The following SSC5D variants were observed in gnomAD, a reference collection of about 807,000 sequenced individuals.
SSC5D encodes the protein soluble scavenger receptor cysteine-rich domain-containing protein SSC5D.
Under a neutral mutation model 104.6 loss-of-function variants are expected in SSC5D, and 106 were observed. The ratio of observed to expected loss-of-function variants is 1.01; its 90% CI spans 0.87 to 1.19. SSC5D has a LOEUF of 1.19. Ranked by LOEUF, SSC5D falls within the 50% of genes most tolerant of loss-of-function variation. The pLI is 0.00. For synonymous variants in SSC5D, 860 were observed against 883.5 expected, an observed-to-expected ratio of 0.97 and a Z score of 0.47; for missense variants, 1,993 against 2,153.8, an observed-to-expected ratio of 0.93 and a Z score of 1.48.
intron 13 of SSC5D, among the ~76,000 whole-genome samples, chr19:55,514,298 G>A (rs1254477741): frequency 2.0e-5 from 3 of 151,850 alleles, no homozygotes; most frequent in East Asian, 3.9e-4. Flanking sequence ...CCAGCTACTC[G>A]GGAGGCTGAG....
chr19:55,517,675 C>T lies in SSC5D; in HGVS notation c.3399C>T (p.Ser1133=). 6.4e-7 allele frequency: 1 copy of T among 1,551,660 alleles called. No homozygotes were observed. Among genetic ancestry groups the T allele is most frequent in the Non-Finnish European group, 8.7e-7 (1 of 1,146,990 alleles). Residue 1133 remains serine (S), a synonymous_variant, in exon 14 of 14, where the codon TCC becomes TCT. Coordinates refer to ENST00000389623, the MANE Select transcript of SSC5D (RefSeq NM_001144950.2). ...CAGATTTGGACACAACTCCATACTC[C>T]AGTACAGTCTCAGAATATTCTAGAT... ...TTPDLDTTPY[S]STVSEYSRSP...
intron 12 of SSC5D, among the ~76,000 whole-genome samples, chr19:55,502,326 T>G (rs979044612): frequency 3.9e-5 from 6 of 152,190 alleles, no homozygotes; most frequent in African/African-American, 1.4e-4. Flanking sequence ...TTCATGGTAA[T>G]TTCTTTTGCT....
Position 55,490,959 on chromosome 19 carries a change from GC to G in SSC5D, c.777del (p.Val260CysfsTer176). ...GGARFGPGAG[P>X]VWMDDVGCGG... Reference sequence around the variant, plus strand: ...GTGCCAGATTCGGGCCTGGTGCAGGGCCCGTGTGGATGGACGATGTGGGGTG... The same window carrying G: ...GTGCCAGATTCGGGCCTGGTGCAGGGCCGTGTGGATGGACGATGTGGGGTG... On this transcript the variant is annotated frameshift_variant, in exon 6 of 14. Coordinates refer to ENST00000389623, the MANE Select transcript of SSC5D (RefSeq NM_001144950.2). LOFTEE classifies it high-confidence loss of function. The G allele has an allele frequency of 6.5e-7, 1 of 1,546,998 alleles. No homozygotes were observed. The highest frequency in any genetic ancestry group is 2.0e-5 in the Admixed American group (1 of 50,428).
Position 55,493,584 on chromosome 19 carries a change from C to T in SSC5D, c.896-11C>T. On this transcript the variant is annotated splice_polypyrimidine_tract_variant and intron_variant, in intron 6 of 13. Coordinates refer to ENST00000389623, the MANE Select transcript of SSC5D (RefSeq NM_001144950.2). ...GTTTCCTGGCCCTGTGCTCCCTCTC[C>T]CACTATCCAGGCCCAGCACCTCGGC... 5.6e-6 allele frequency: 8 copies of T among 1,428,306 alleles called. No individual in the cohort carries two copies. The highest frequency in any genetic ancestry group is 7.2e-6 in the Non-Finnish European group (8 of 1,104,296). The allele number at this position is 1,428,306 out of a possible 1,614,324, so 88.5% of individuals were successfully genotyped here.
intron 6 of SSC5D, 25 bp from the exon 7 acceptor site, chr19:55,493,570 C>T (rs1032741913): frequency 7.1e-7 from 1 of 1,412,178 alleles, no homozygotes; most frequent in African/African-American, 1.5e-5. Flanking sequence ...TTTCCTGGCC[C>T]TGTGCTCCCT....
rs1426647506 is a variant in SSC5D, at chr19:55,499,840, C to G, written c.1730C>G (p.Ser577Ter). The G allele has an allele frequency of 1.3e-6, 2 of 1,551,450 alleles. No homozygotes were observed. Among genetic ancestry groups the G allele is most frequent in the Non-Finnish European group, 8.7e-7 (1 of 1,146,960 alleles). Reference protein sequence around the residue: ...CTGPPGLDSISDPFSWSWIPG... With the variant: ...CTGPPGLDSI ...GGGCCCCCAGGCCTGGACTCCATCT[C>G]AGACCCCTTCAGCTGGAGCTGGATT... The change falls in exon 10 of 14, where the codon TCA (serine) becomes TGA (stop). Residue 577 changes from serine to a stop codon, truncating the protein, a stop_gained. Coordinates refer to ENST00000389623, the MANE Select transcript of SSC5D (RefSeq NM_001144950.2). LOFTEE classifies it high-confidence loss of function.
intron 12 of SSC5D, among the ~76,000 whole-genome samples, chr19:55,506,245 T>A (rs1360603848): frequency 6.6e-6 from 1 of 151,668 alleles, no homozygotes; most frequent in African/African-American, 2.4e-5. Context: ...GAATCCCTAG[T>A]GTCTAGGGCA....
chr19:55,517,615 T>C lies in SSC5D; in HGVS notation c.3339T>C (p.Pro1113=), dbSNP rs1987902685. 3.9e-6 allele frequency: 6 copies of C among 1,551,474 alleles called. No homozygotes were observed. The highest frequency in any genetic ancestry group is 4.4e-6 in the Non-Finnish European group (5 of 1,146,992). ...STPSEVTSLS[P]TSEQVPESDT... Reference sequence around the variant, plus strand: ...CGTCGGAGGTGACCAGCCTTTCCCCTACCTCAGAGCAGGTCCCAGAATCTG... The same window carrying C: ...CGTCGGAGGTGACCAGCCTTTCCCCCACCTCAGAGCAGGTCCCAGAATCTG... The change falls in exon 14 of 14, where the codon CCT becomes CCC. Residue 1113 remains proline, a synonymous_variant. Transcript: ENST00000389623.
intron 8 of SSC5D, among the ~76,000 whole-genome samples, chr19:55,497,055 C>CTTTTAAA: frequency 6.6e-6 from 1 of 152,316 alleles, no homozygotes; most frequent in East Asian, 1.9e-4. Flanking sequence ...GCCACCGTGC[C>CTTTTAAA]GGGCCTGCTG....
chr19:55,494,598 C>A lies in SSC5D; in HGVS notation c.1214-12C>A, dbSNP rs1310373480. On this transcript the variant is annotated splice_polypyrimidine_tract_variant and intron_variant, in intron 7 of 13. Transcript: ENST00000389623. ...GTGTGTGGGTGGCAATCACTTACCC[C>A]CTGCTCCACAGGCATGCCCCTGGGC... The A allele has an allele frequency of 2.0e-6, 3 of 1,510,564 alleles. No individual in the cohort carries two copies. The highest frequency in any genetic ancestry group is 2.8e-5 in the African/African-American group (2 of 71,634). The allele number at this position is 1,510,564 out of a possible 1,614,324, so 93.6% of individuals were successfully genotyped here. A position where few individuals can be genotyped will look rare whatever the true frequency, so the allele number is the denominator to read the frequency against.
intron 12 of SSC5D, chr19:55,504,106 C>A (rs1987582276): frequency 6.5e-7 from 1 of 1,535,050 alleles, no homozygotes; most frequent in African/African-American, 1.4e-5. Flanking sequence ...AGCTATCATT[C>A]CGTTTCCAGA....
intron 9 of SSC5D, 79 bp downstream of exon 9, chr19:55,498,276 G>C: frequency 7.0e-7 from 1 of 1,422,018 alleles, no homozygotes; most frequent in Non-Finnish European, 9.7e-7. Context: ...CACTAACATT[G>C]ATTGAGTGCT....
chr19:55,496,813 C>T (rs545214635), intron 8 of SSC5D, among the ~76,000 whole-genome samples: 59 of 150,600 alleles, frequency 3.9e-4, no homozygotes, highest in Admixed American at 1.8e-3. Context: ...TGCAGTGGCA[C>T]GATCTTGGCT....
chr19:55,503,068 C>T lies in SSC5D; in HGVS notation c.2785+1867C>T, dbSNP rs1325041992. 6.6e-6 allele frequency among the ~76,000 whole-genome samples: 1 copy of T among 152,062 alleles called. No homozygotes were observed. The highest frequency in any genetic ancestry group is 1.5e-5 in the Non-Finnish European group (1 of 68,016). On this transcript the variant is annotated intron_variant, in intron 12 of 13. Coordinates refer to ENST00000389623, the MANE Select transcript of SSC5D (RefSeq NM_001144950.2). The surrounding 1 kb of genome is among the most constrained non-coding windows in gnomAD (Gnocchi z 4.0). ...GACCTCGTGATCCGCCTGCCTCGGC[C>T]TCCCAAAGTGCTGGGATTACAGGGG...
At position 55,517,844 on chromosome 19, in the gene SSC5D, ATCAC is replaced by A. The variant is rs1987909858; in HGVS notation, c.3575_3578del (p.His1192ProfsTer3). 2 of 1,283,420 alleles carry A rather than the reference ATCAC, an allele frequency of 1.6e-6. No individual in the cohort carries two copies. Among genetic ancestry groups the A allele is most frequent in the Non-Finnish European group, 2.0e-6 (2 of 981,042 alleles). 79.5% of individuals were successfully genotyped at this position (1,283,420 alleles called of 1,614,324 possible). On this transcript the variant is annotated frameshift_variant, in exon 14 of 14. Coordinates refer to ENST00000389623, the MANE Select transcript of SSC5D (RefSeq NM_001144950.2). LOFTEE classifies it low-confidence loss of function (END_TRUNC). Reference sequence around the variant, plus strand: ...CACCACGACCCCTCACCCCACCACCATCACTCACTCCACCATGATTCCTGACCCC... The same window carrying A: ...CACCACGACCCCTCACCCCACCACCATCACTCCACCATGATTCCTGACCCC...
chr19:55,494,617 C>G lies in SSC5D; in HGVS notation c.1221C>G (p.Pro407=). 6.5e-7 allele frequency: 1 copy of G among 1,536,660 alleles called. No homozygotes were observed. Among genetic ancestry groups the G allele is most frequent in the Non-Finnish European group, 8.8e-7 (1 of 1,138,146 alleles). The change falls in exon 8 of 14, where the codon CCC becomes CCG. Residue 407 remains proline, a synonymous_variant. Transcript: ENST00000389623. ...EDAGAVCDGM[P]LGYVPPTAPT... The stretch of plus-strand genomic sequence containing the variant: ...TTACCCCCTGCTCCACAGGCATGCC[C>G]CTGGGCTACGTCCCTCCCACGGCCC...
At position 55,509,347 on chromosome 19, in the gene SSC5D, A is replaced by G. The variant is rs192372959; in HGVS notation, c.2786-3664A>G. 9.6e-3 allele frequency among the ~76,000 whole-genome samples: 1,466 copies of G among 152,276 alleles called. 11 individuals are homozygous for G. The highest frequency in any genetic ancestry group is 0.015 in the Non-Finnish European group (1,049 of 68,024). ...TAAGGAGATACATCTGCTTCCATACAGCAATTCCACAACGAGGCGTCGAGA... is the reference window on the plus strand; with the variant it reads ...TAAGGAGATACATCTGCTTCCATACGGCAATTCCACAACGAGGCGTCGAGA... On this transcript the variant is annotated intron_variant, in intron 12 of 13. Transcript: ENST00000389623.
chr19:55,502,736 G>C (rs992261358), intron 12 of SSC5D, among the ~76,000 whole-genome samples: 1 of 151,818 alleles, frequency 6.6e-6, no homozygotes, highest in Non-Finnish European at 1.5e-5. Context: ...GTTCACTGCA[G>C]CCTTGAACTC....
chr19:55,518,091 CCACGA>C lies in SSC5D; in HGVS notation c.3816_3820del (p.Thr1273AlafsTer32). On this transcript the variant is annotated frameshift_variant, in exon 14 of 14. Coordinates refer to ENST00000389623, the MANE Select transcript of SSC5D (RefSeq NM_001144950.2). LOFTEE classifies it low-confidence loss of function (END_TRUNC). ...CAACCCTTCACCACCATGCAGCCCACCACGATGCCTCATCCCACCACGACCCCTCA... is the reference window on the plus strand; with the variant it reads ...CAACCCTTCACCACCATGCAGCCCACTGCCTCATCCCACCACGACCCCTCA... The C allele has an allele frequency of 6.7e-7, 1 of 1,495,366 alleles. No individual in the cohort carries two copies. The highest frequency in any genetic ancestry group is 2.6e-5 in the East Asian group (1 of 37,788). The allele number at this position is 1,495,366 out of a possible 1,614,324, so 92.6% of individuals were successfully genotyped here.
Sources: gnomAD v4.1 joint callset for allele counts (sites outside exome capture counted in the v4.1 genomes callset) on GRCh38, gnomAD v4.1.1 for gene constraint, Gnocchi (gnomAD v3.1) non-coding constraint, MANE v1.5 for transcripts, NCBI Gene and HGNC (gene_info 2026-07-23, HGNC 2026-07-21) for gene names.